Variants in TRIM44 observed in about 807,000 individuals in gnomAD.
The protein encoded by TRIM44 is tripartite motif-containing protein 44.
Under a neutral mutation model 37.4 loss-of-function variants are expected in TRIM44, and 13 were observed. That is an observed-to-expected ratio of 0.35 (90% CI 0.23 to 0.55). TRIM44 has a LOEUF of 0.55. Among genes scored for constraint, TRIM44 ranks in the 20% least tolerant of loss-of-function variants. The pLI, the probability that TRIM44 is intolerant of heterozygous loss-of-function variation, is 0.89. For synonymous variants in TRIM44, 175 were observed against 157.2 expected, an observed-to-expected ratio of 1.11 and a Z score of -0.85; for missense variants, 426 against 437.2, an observed-to-expected ratio of 0.97 and a Z score of 0.23.
intron 2 of TRIM44, among the ~76,000 whole-genome samples, chr11:35,725,058 GCACACACTCACA>G (rs1212073129): frequency 4.1e-4 from 44 of 107,372 alleles, no homozygotes; most frequent in African/African-American, 2.0e-3. Context: ...TAGGAGACAT[GCACACACTCACA>G]CACACACACA....
At chr11:35,725,058 G>GCACACA (rs373473803) in intron 2 of TRIM44, among the ~76,000 whole-genome samples, 23 of 107,372 alleles carry the variant, frequency 2.1e-4, no homozygotes, top group African/African-American at 1.0e-3. Flanking sequence ...TAGGAGACAT[G>GCACACA]CACACACTCA....
intron 1 of TRIM44, among the ~76,000 whole-genome samples, chr11:35,667,525 G>C (rs1163517945): frequency 1.3e-5 from 2 of 152,056 alleles, no homozygotes; most frequent in Non-Finnish European, 2.9e-5. Context: ...GTGCCACCAT[G>C]CCTGGCTAAC....
At chr11:35,728,000 C>T (rs1289176050) in intron 3 of TRIM44, among the ~76,000 whole-genome samples, 3 of 152,168 alleles carry the variant, frequency 2.0e-5, no homozygotes, top group Middle Eastern at 3.2e-3. Context: ...CATTTATTCC[C>T]TATGTTGATT....
At chr11:35,671,818 G>C (rs966847594) in intron 1 of TRIM44, among the ~76,000 whole-genome samples, 29 of 152,162 alleles carry the variant, frequency 1.9e-4, no homozygotes, top group Admixed American at 1.8e-3. Context: ...TGCAGTTTTG[G>C]TCTGTGGCAT....
chr11:35,768,390 C>T (rs1412480008), intron 4 of TRIM44, among the ~76,000 whole-genome samples: 2 of 152,122 alleles, frequency 1.3e-5, no homozygotes, highest in Non-Finnish European at 2.9e-5. Context: ...AGTTGAAGGT[C>T]ACACAGCTAG....
At chr11:35,706,102 T>C (rs1851876712) in intron 2 of TRIM44, among the ~76,000 whole-genome samples, 1 of 148,602 alleles carries the variant, frequency 6.7e-6, no homozygotes. Flanking sequence ...CCCACAGAAA[T>C]GCAAACTATC....
intron 4 of TRIM44, among the ~76,000 whole-genome samples, chr11:35,767,879 A>T (rs528320411): frequency 1.3e-5 from 2 of 152,230 alleles, no homozygotes; most frequent in Non-Finnish European, 2.9e-5. Context: ...AATGGTGCCT[A>T]TAGTGGTAAC....
intron 2 of TRIM44, among the ~76,000 whole-genome samples, chr11:35,693,547 G>A (rs75825386): frequency 1.3e-5 from 2 of 152,022 alleles, no homozygotes; most frequent in African/African-American, 2.4e-5. Context: ...TAAAGTCTTA[G>A]TTTGATTGGG....
At position 35,743,970 on chromosome 11, in the gene TRIM44, C is replaced by A. The variant is rs544246973; in HGVS notation, c.1007+8525C>A. Among the ~76,000 whole-genome samples the A allele has an allele frequency of 2.0e-5, 3 of 152,220 alleles. No homozygotes were observed. The East Asian group carries it at 5.8e-4, about 29-fold the overall frequency. ...AGAGAATAGTTAAAAATAAGTAAAA[C>A]TTGATGTCAACATTATGAATGGTGT... On this transcript the variant is annotated intron_variant, in intron 4 of 4. Coordinates refer to ENST00000299413, the MANE Select transcript of TRIM44 (RefSeq NM_017583.6).
At chr11:35,671,631 C>G (rs553442229) in intron 1 of TRIM44, among the ~76,000 whole-genome samples, 1 of 152,174 alleles carries the variant, frequency 6.6e-6, no homozygotes, top group Non-Finnish European at 1.5e-5. Context: ...AGAGAAAAAG[C>G]AAACTTCAGA....
chr11:35,766,229 G>C (rs1426963073), intron 4 of TRIM44, among the ~76,000 whole-genome samples: 1 of 152,132 alleles, frequency 6.6e-6, no homozygotes. Flanking sequence ...TCTTAACACT[G>C]TCTCAAAAGA....
At chr11:35,732,399 C>T (rs1852273330) in intron 3 of TRIM44, among the ~76,000 whole-genome samples, 1 of 152,166 alleles carries the variant, frequency 6.6e-6, no homozygotes, top group South Asian at 2.1e-4. Flanking sequence ...ATTTAATAGA[C>T]TCTCACTTCT....
intron 2 of TRIM44, among the ~76,000 whole-genome samples, chr11:35,688,082 G>A (rs1260538424): frequency 6.6e-6 from 1 of 152,162 alleles, no homozygotes; most frequent in Non-Finnish European, 1.5e-5. Flanking sequence ...CAACCCTTAA[G>A]TTTTTGTCTG....
chr11:35,685,248 C>CT lies in TRIM44; in HGVS notation c.670-8dup. On this transcript the variant is annotated splice_polypyrimidine_tract_variant and intron_variant, in intron 1 of 4. Coordinates refer to ENST00000299413, the MANE Select transcript of TRIM44 (RefSeq NM_017583.6). ...TGCTGTCTAGTGACCCCTCACTTTTCTTTCTTCTAGAGCAAAGACTCAGGT... is the reference window on the plus strand; with the variant it reads ...TGCTGTCTAGTGACCCCTCACTTTTCTTTTCTTCTAGAGCAAAGACTCAGGT... 2 of 1,613,328 alleles carry CT rather than the reference C, an allele frequency of 1.2e-6. No individual in the cohort carries two copies. The highest frequency in any genetic ancestry group is 1.7e-4 in the Middle Eastern group (1 of 6,060).
chr11:35,691,959 T>C (rs186140962), intron 2 of TRIM44, among the ~76,000 whole-genome samples: 1 of 152,216 alleles, frequency 6.6e-6, no homozygotes, highest in African/African-American at 2.4e-5. Flanking sequence ...AGGCTTACTT[T>C]TAAAGTAAAA....
In TRIM44 at chr11:35,685,219, A is replaced by C. The variant is rs1851560456; in HGVS notation, c.670-40A>C. The C allele has an allele frequency of 5.1e-6, 8 of 1,555,978 alleles. No homozygotes were observed. In the Middle Eastern group the frequency reaches 1.4e-3, roughly 264 times the overall value. ...TGCTGTTTGTGTTTGAGAGAGCAAC[A>C]AAATGCTGTCTAGTGACCCCTCACT... On this transcript the variant is annotated intron_variant, in intron 1 of 4. Transcript: ENST00000299413.
intron 2 of TRIM44, among the ~76,000 whole-genome samples, chr11:35,699,702 T>C (rs1207306673): frequency 5.2e-4 from 79 of 150,952 alleles, no homozygotes; most frequent in African/African-American, 1.9e-3. Context: ...ATCTAGAAAA[T>C]GCCGTCGTCT....
chr11:35,686,197 GGGGT>G (rs941279531), intron 2 of TRIM44, among the ~76,000 whole-genome samples: 4 of 151,910 alleles, frequency 2.6e-5, no homozygotes, highest in Non-Finnish European at 5.9e-5. Context: ...ACACCATAAC[GGGGT>G]GGAGGTAAAC....
At chr11:35,699,617 A>T (rs1380362198) in intron 2 of TRIM44, among the ~76,000 whole-genome samples, 2 of 151,788 alleles carry the variant, frequency 1.3e-5, no homozygotes, top group Non-Finnish European at 2.9e-5. Context: ...ATCAGGCAGG[A>T]GAAGGAAATA....
Sources: gnomAD v4.1 joint callset for allele counts (sites outside exome capture counted in the v4.1 genomes callset) on GRCh38, gnomAD v4.1.1 for gene constraint, MANE v1.5 for transcripts, NCBI Gene and HGNC (gene_info 2026-07-23, HGNC 2026-07-21) for gene names.